Variants in UGT1A8 observed in about 807,000 individuals in gnomAD.
The protein encoded by UGT1A8 is UDP glucuronosyltransferase family 1 member A8, also known as UDP-glucuronosyltransferase 1A8.
A neutral mutation model predicts 45.3 loss-of-function variants in UGT1A8; 39 were observed. The observed-to-expected ratio is 0.86, with a 90% CI of 0.67 to 1.12. The LOEUF (loss-of-function observed/expected upper bound fraction) is 1.12, where lower values mean the gene tolerates loss of function less well. Ranked by LOEUF, UGT1A8 falls within the 50% of genes most tolerant of loss-of-function variation. The pLI, the probability that UGT1A8 is intolerant of heterozygous loss-of-function variation, is 0.00. For missense variants in UGT1A8, 719 were observed against 664.9 expected (o/e 1.08, Z -0.90); for synonymous variants, 275 against 249.2 (o/e 1.10, Z -0.97).
rs181001855 is a variant in UGT1A8, at chr2:233,700,720, A to T, written c.856-66314A>T. Among the ~76,000 whole-genome samples, 157 of 151,936 alleles carry T rather than the reference A, an allele frequency of 1.0e-3. 1 individual carries two copies. Among genetic ancestry groups the T allele is most frequent in the African/African-American group, 3.4e-3 (142 of 41,440 alleles). On this transcript the variant is annotated intron_variant, in intron 1 of 4. Transcript: ENST00000373450. ...ACTTTGAATGTTTTTTTCTTTTTTT[A>T]AAAATTTTATTATTATTATACTTTA...
intron 1 of UGT1A8, among the ~76,000 whole-genome samples, chr2:233,664,736 C>T (rs538913087): frequency 1.3e-5 from 2 of 152,308 alleles, no homozygotes; most frequent in African/African-American, 4.8e-5. Flanking sequence ...CCAGGCCCCA[C>T]CTCCAACATT....
chr2:233,671,247 C>A (rs2074183392), intron 1 of UGT1A8, among the ~76,000 whole-genome samples: 1 of 152,226 alleles, frequency 6.6e-6, no homozygotes, highest in Admixed American at 6.5e-5. Flanking sequence ...GGGCGGGCAA[C>A]TTCCCACTGC....
chr2:233,750,285 G>A (rs886934345), intron 1 of UGT1A8, among the ~76,000 whole-genome samples: 2 of 151,944 alleles, frequency 1.3e-5, no homozygotes, highest in African/African-American at 4.9e-5. Context: ...GAGACTGGTG[G>A]CATTTTGCCC....
At chr2:233,747,383 G>A (rs979148855) in intron 1 of UGT1A8, 12 of 1,605,438 alleles carry the variant, frequency 7.5e-6, no homozygotes, top group Admixed American at 3.3e-5. Flanking sequence ...GAGGCCACCA[G>A]GCGGTGGTCC....
intron 1 of UGT1A8, chr2:233,721,510 A>T (rs186702704): frequency 1.1e-3 from 179 of 168,498 alleles, no homozygotes; most frequent in African/African-American, 4.2e-3. Context: ...CATTTATTTT[A>T]TGCTGAATTT....
At chr2:233,667,160 T>C (rs886637449) in intron 1 of UGT1A8, among the ~76,000 whole-genome samples, 1 of 152,212 alleles carries the variant, frequency 6.6e-6, no homozygotes, top group Non-Finnish European at 1.5e-5. Context: ...TTTGGGTATA[T>C]ACCCAGTAAT....
chr2:233,647,897 G>A, intron 1 of UGT1A8: 1 of 1,553,952 alleles, frequency 6.4e-7, no homozygotes, highest in Non-Finnish European at 8.8e-7. Flanking sequence ...CTACACTGAA[G>A]TTAGCCTCCA....
chr2:233,694,052 C>T (rs1175368411), intron 1 of UGT1A8, among the ~76,000 whole-genome samples: 2 of 152,128 alleles, frequency 1.3e-5, no homozygotes, highest in African/African-American at 2.4e-5. Flanking sequence ...CAGAGGCATT[C>T]GGATGAAGAC....
At position 233,772,830 on chromosome 2, in the gene UGT1A8, T is replaced by G; in HGVS notation, c.*271T>G. ...CAGAGGACGTGCAGACAGGCTGGCA[T>G]TCTAGATTACTTTTCTTACTCTGAA... On this transcript the variant is annotated 3_prime_UTR_variant, in exon 5 of 5. Transcript: ENST00000373450. 8.7e-6 allele frequency: 8 copies of G among 916,310 alleles called. No homozygotes were observed. Among genetic ancestry groups the G allele is most frequent in the Non-Finnish European group, 1.2e-5 (8 of 660,510 alleles). 56.8% of individuals were successfully genotyped at this position (916,310 alleles called of 1,614,324 possible).
chr2:233,727,005 A>C (rs937597843), intron 1 of UGT1A8, among the ~76,000 whole-genome samples: 3 of 152,154 alleles, frequency 2.0e-5, no homozygotes, highest in African/African-American at 4.8e-5. Context: ...GCAAAGTTTT[A>C]TCATTTGTTG....
intron 1 of UGT1A8, among the ~76,000 whole-genome samples, chr2:233,680,703 T>C (rs1021563912): frequency 1.3e-5 from 2 of 152,110 alleles, no homozygotes; most frequent in African/African-American, 4.8e-5. Flanking sequence ...AGGTAGAAGA[T>C]GTAATCTCAT....
chr2:233,634,606 A>G (rs1017215842), intron 1 of UGT1A8, among the ~76,000 whole-genome samples: 1 of 151,794 alleles, frequency 6.6e-6, no homozygotes, highest in African/African-American at 2.4e-5. Flanking sequence ...GTCTGTTTTT[A>G]TCAGAGACTA....
At chr2:233,644,565 A>C (rs1481812530) in intron 1 of UGT1A8, among the ~76,000 whole-genome samples, 2 of 149,890 alleles carry the variant, frequency 1.3e-5, no homozygotes, top group Non-Finnish European at 3.0e-5. Context: ...CATCTCAAAA[A>C]ATAAGAATAA....
intron 1 of UGT1A8, among the ~76,000 whole-genome samples, chr2:233,706,003 C>T (rs1335760458): frequency 6.6e-6 from 1 of 152,124 alleles, no homozygotes; most frequent in African/African-American, 2.4e-5. Context: ...GTGTGAGAAT[C>T]ACTTGCACTT....
chr2:233,682,765 C>A lies in UGT1A8; in HGVS notation c.855+64203C>A, dbSNP rs141393523. The A allele has an allele frequency of 3.5e-3, 5,647 of 1,613,716 alleles. 18 individuals are homozygous for A. The highest frequency in any genetic ancestry group is 4.4e-3 in the Non-Finnish European group (5,243 of 1,179,658). ...ATATGATCTTCATTGGTGGTATCAA[C>A]TGTCATCAGGGAAAGCCAGTGCCTA... On this transcript the variant is annotated intron_variant, in intron 1 of 4. Transcript: ENST00000373450.
intron 1 of UGT1A8, chr2:233,648,447 T>TTAC (rs986529808): frequency 1.1e-4 from 17 of 157,868 alleles, no homozygotes; most frequent in Non-Finnish European, 1.8e-4. Flanking sequence ...CTTTTTATTA[T>TTAC]TATTATTATT....
At chr2:233,706,117 G>A (rs1319655081) in intron 1 of UGT1A8, among the ~76,000 whole-genome samples, 1 of 151,994 alleles carries the variant, frequency 6.6e-6, no homozygotes, top group Non-Finnish European at 1.5e-5. Flanking sequence ...AGAATTTCAG[G>A]ACACTGACAG....
intron 1 of UGT1A8, among the ~76,000 whole-genome samples, chr2:233,619,805 G>A (rs575672180): frequency 3.2e-4 from 49 of 152,200 alleles, no homozygotes; most frequent in Admixed American, 1.0e-3. Flanking sequence ...TGTACAATAT[G>A]CAATACCATC....
chr2:233,691,576 G>A (rs1251498090), intron 1 of UGT1A8: 1 of 985,544 alleles, frequency 1.0e-6, no homozygotes, highest in African/African-American at 1.7e-5. Flanking sequence ...CTCTCACTGG[G>A]ACAGCCTAGT....
Sources: gnomAD v4.1 joint callset for allele counts (sites outside exome capture counted in the v4.1 genomes callset) on GRCh38, gnomAD v4.1.1 for gene constraint, MANE v1.5 for transcripts, NCBI Gene and HGNC (gene_info 2026-07-23, HGNC 2026-07-21) for gene names.